Variants in PTPRJ observed in about 807,000 individuals in gnomAD.
The protein encoded by PTPRJ is receptor-type tyrosine-protein phosphatase eta.
A neutral mutation model predicts 141.3 loss-of-function variants in PTPRJ; 129 were observed. That is an observed-to-expected ratio of 0.91 (90% CI 0.79 to 1.06). The LOEUF (loss-of-function observed/expected upper bound fraction) is 1.06, where lower values mean the gene tolerates loss of function less well. Among genes scored for constraint, PTPRJ ranks in the 50% least tolerant of loss-of-function variants. PTPRJ has a pLI of 0.00. For synonymous variants in PTPRJ, 610 were observed against 640.5 expected (o/e 0.95, Z 0.72); for missense variants, 1,601 against 1,679.7 (o/e 0.95, Z 0.82).
At chr11:48,050,422 C>T (rs905579858) in intron 1 of PTPRJ, among the ~76,000 whole-genome samples, 1 of 152,056 alleles carries the variant, frequency 6.6e-6, no homozygotes, top group Non-Finnish European at 1.5e-5. Context: ...CACACAAAGT[C>T]CATAGTTTCT....
intron 1 of PTPRJ, among the ~76,000 whole-genome samples, chr11:48,046,771 T>C (rs1854408641): frequency 6.6e-6 from 1 of 151,752 alleles, no homozygotes; most frequent in Non-Finnish European, 1.5e-5. Context: ...GTGTGTAAAC[T>C]TAGGCTCAGA....
intron 6 of PTPRJ, among the ~76,000 whole-genome samples, 199 bp downstream of exon 6, chr11:48,125,385 T>A (rs1003692126): frequency 1.3e-5 from 2 of 152,200 alleles, no homozygotes; most frequent in Non-Finnish European, 2.9e-5. Flanking sequence ...TCTCATTAAG[T>A]GAAATCAAAT....
chr11:48,008,416 C>T (rs925458167), intron 1 of PTPRJ, among the ~76,000 whole-genome samples: 44 of 151,906 alleles, frequency 2.9e-4, no homozygotes, highest in African/African-American at 8.9e-4. Context: ...TGTGCCACCA[C>T]GCCCAGCTAA....
Position 48,167,533 on chromosome 11 carries a change from C to T in PTPRJ, c.*171C>T. On this transcript the variant is annotated 3_prime_UTR_variant, in exon 25 of 25. Transcript: ENST00000418331. ...GCATATGATAGATGACAAATTGGGGCTGTCGGGGGCTGTGGATGGGTGGGG... is the reference window on the plus strand; with the variant it reads ...GCATATGATAGATGACAAATTGGGGTTGTCGGGGGCTGTGGATGGGTGGGG... The T allele has an allele frequency of 1.5e-6, 1 of 658,254 alleles. No individual in the cohort carries two copies. 40.8% of individuals were successfully genotyped at this position (658,254 alleles called of 1,614,324 possible). A position where few individuals can be genotyped will look rare whatever the true frequency, so the allele number is the denominator to read the frequency against.
At chr11:48,034,021 C>T (rs1042922892) in intron 1 of PTPRJ, among the ~76,000 whole-genome samples, 9 of 152,210 alleles carry the variant, frequency 5.9e-5, no homozygotes, top group African/African-American at 2.2e-4. Context: ...GTCTGAACTC[C>T]AGGTGCTGAC....
At chr11:48,033,012 G>T (rs1439366019) in intron 1 of PTPRJ, among the ~76,000 whole-genome samples, 3 of 151,518 alleles carry the variant, frequency 2.0e-5, no homozygotes. Context: ...GAGCCCAGAA[G>T]TTCAAGATCG....
In PTPRJ at chr11:48,155,790, T is replaced by C. The variant is rs753732444; in HGVS notation, c.3230-11T>C. 2 of 1,574,460 alleles carry C rather than the reference T, an allele frequency of 1.3e-6. No individual in the cohort carries two copies. The highest frequency in any genetic ancestry group is 2.3e-5 in the South Asian group (2 of 87,220). ...CTTATAATGGGGACCTTTTTTCTTT[T>C]AATGTCACAGATGATATTTCCCGTG... On this transcript the variant is annotated splice_polypyrimidine_tract_variant and intron_variant, in intron 19 of 24. Coordinates refer to ENST00000418331, the MANE Select transcript of PTPRJ (RefSeq NM_002843.4).
At chr11:48,053,939 T>C (rs936327451) in intron 1 of PTPRJ, among the ~76,000 whole-genome samples, 35 of 148,558 alleles carry the variant, frequency 2.4e-4, no homozygotes, top group African/African-American at 8.2e-4. Context: ...TCTTTTTTTT[T>C]TTTTTTTTTT....
intron 1 of PTPRJ, among the ~76,000 whole-genome samples, chr11:48,087,025 A>G (rs540668141): frequency 7.5e-4 from 115 of 152,366 alleles, no homozygotes; most frequent in African/African-American, 2.5e-3. Context: ...TAATAACACA[A>G]TGTATCATTA....
intron 19 of PTPRJ, 40 bp downstream of exon 19, chr11:48,153,926 C>A: frequency 1.5e-6 from 2 of 1,368,316 alleles, no homozygotes; most frequent in South Asian, 1.2e-5. Context: ...TGTGTTCCAT[C>A]AGTGGCCATC....
chr11:48,139,394 C>A, intron 10 of PTPRJ, 92 bp from the exon 11 acceptor site: 1 of 1,387,942 alleles, frequency 7.2e-7, no homozygotes, highest in Admixed American at 2.0e-5. Flanking sequence ...ACCCACCCAC[C>A]TTCTCATCCC....
At chr11:48,079,087 CCACA>C (rs1485745791) in intron 1 of PTPRJ, among the ~76,000 whole-genome samples, 1 of 151,544 alleles carries the variant, frequency 6.6e-6, no homozygotes, top group Non-Finnish European at 1.5e-5. Flanking sequence ...TTTCCCTGGG[CCACA>C]CTGGAAGAAG....
Position 48,164,437 on chromosome 11 carries a change from A to G in PTPRJ, c.3777A>G (p.Ile1259Met), listed in dbSNP as rs1422876212. 1.9e-6 allele frequency: 3 copies of G among 1,613,992 alleles called. No individual in the cohort carries two copies. The highest frequency in any genetic ancestry group is 2.5e-6 in the Non-Finnish European group (3 of 1,179,896). Residue 1259 changes from isoleucine (I) to methionine (M), a missense_variant, in exon 24 of 25, where the codon ATA becomes ATG. By Grantham distance (10) the Ile-to-Met change is conservative (BLOSUM62 1). Transcript: ENST00000418331. ...CCATTGATCGTCTCATCTACCAGAT[A>G]GAGAATGAGAACACCGTGGATGTGT... ...FIAIDRLIYQ[I>M]ENENTVDVYG... is the part of the protein sequence containing the mutation.
chr11:48,102,579 A>G (rs1454948334), intron 1 of PTPRJ, among the ~76,000 whole-genome samples: 2 of 151,514 alleles, frequency 1.3e-5, no homozygotes, highest in Admixed American at 6.6e-5. Context: ...ATTTTTGTAT[A>G]TATATTTTTT....
intron 1 of PTPRJ, among the ~76,000 whole-genome samples, chr11:48,072,975 C>T (rs1855300186): frequency 6.6e-6 from 1 of 152,184 alleles, no homozygotes; most frequent in South Asian, 2.1e-4. Flanking sequence ...TGGCTTGTGG[C>T]TACAGTAAAA....
chr11:48,050,848 A>G (rs1854547241), intron 1 of PTPRJ, among the ~76,000 whole-genome samples: 1 of 152,064 alleles, frequency 6.6e-6, no homozygotes, highest in African/African-American at 2.4e-5. Context: ...TCAGCAACAC[A>G]TGTCTGAGCC....
chr11:48,103,088 G>A (rs2134315444), intron 1 of PTPRJ, among the ~76,000 whole-genome samples: 2 of 152,274 alleles, frequency 1.3e-5, no homozygotes, highest in South Asian at 4.1e-4. Flanking sequence ...GGTGTGTCAG[G>A]GGTTCCATAA....
At chr11:48,033,951 G>C (rs910851916) in intron 1 of PTPRJ, among the ~76,000 whole-genome samples, 6 of 152,208 alleles carry the variant, frequency 3.9e-5, no homozygotes, top group Non-Finnish European at 7.3e-5. Context: ...TTCCTAAAAG[G>C]CTTCTTCTTT....
chr11:48,073,232 T>C (rs1338359818), intron 1 of PTPRJ, among the ~76,000 whole-genome samples: 1 of 152,242 alleles, frequency 6.6e-6, no homozygotes, highest in East Asian at 1.9e-4. Context: ...ATCTGTTCCC[T>C]GCGGGCCTTG....
Sources: allele counts gnomAD v4.1 joint callset (sites outside exome capture counted in the v4.1 genomes callset), GRCh38; gene constraint gnomAD v4.1.1; transcripts MANE v1.5; gene names NCBI Gene and HGNC (gene_info 2026-07-23, HGNC 2026-07-21).